The following AZGP1 variants were observed in gnomAD, a reference collection of about 807,000 sequenced individuals.
AZGP1 encodes the protein zinc-alpha-2-glycoprotein.
Under a neutral mutation model 31.5 loss-of-function variants are expected in AZGP1, and 28 were observed. The ratio of observed to expected loss-of-function variants is 0.89; its 90% confidence interval spans 0.66 to 1.22. AZGP1 has a LOEUF of 1.22. Among genes scored for constraint, AZGP1 ranks in the 50% most tolerant of loss-of-function variants. AZGP1 has a pLI of 0.00. For synonymous variants in AZGP1, 135 were observed against 145.4 expected (o/e 0.93, Z 0.51); for missense variants, 361 against 371.8 (o/e 0.97, Z 0.24).
rs769586812 is a variant in AZGP1, at chr7:99,968,281, T to C, written c.487A>G (p.Ile163Val). Residue 163 changes from isoleucine (I) to valine (V), a missense_variant, in exon 3 of 4, where the codon ATA becomes GTA. By Grantham distance (29) the Ile-to-Val change is conservative. Transcript: ENST00000292401. ...AWVPFDPAAQ[I>V]TKQKWEAEPV... ...TCTGCCTCCCACTTCTGCTTGGTTA[T>C]CTGGGCTGCTGGGTCGAAGGGGACC... 2 of 1,613,860 alleles carry C rather than the reference T, an allele frequency of 1.2e-6. No homozygotes were observed. The highest frequency in any genetic ancestry group is 1.7e-6 in the Non-Finnish European group (2 of 1,179,990).
intron 3 of AZGP1, chr7:99,967,487 T>G: frequency 1.6e-6 from 1 of 617,360 alleles, no homozygotes; most frequent in Non-Finnish European, 2.8e-6. Flanking sequence ...CTCACCCATG[T>G]ATTGACTCTG....
intron 2 of AZGP1, among the ~76,000 whole-genome samples, chr7:99,971,370 G>A (rs184781772): frequency 6.6e-6 from 1 of 152,328 alleles, no homozygotes; most frequent in Non-Finnish European, 1.5e-5. Context: ...CCAGGTCTGA[G>A]TGACTTTGAG....
intron 3 of AZGP1, chr7:99,967,698 C>T (rs996911972): frequency 2.9e-5 from 12 of 413,324 alleles, no homozygotes; most frequent in East Asian, 4.9e-5. Flanking sequence ...GCCATCAATT[C>T]CGCTCACACT....
intron 1 of AZGP1, among the ~76,000 whole-genome samples, chr7:99,972,765 G>A (rs548283853): frequency 6.6e-6 from 1 of 152,266 alleles, no homozygotes; most frequent in Non-Finnish European, 1.5e-5. Flanking sequence ...AACAAGCCAA[G>A]ATCATGCCAC....
Position 99,968,297 on chromosome 7 carries a change from G to C in AZGP1, c.471C>G (p.Phe157Leu). 6.2e-7 allele frequency: 1 copy of C among 1,613,764 alleles called. No individual in the cohort carries two copies. The highest frequency in any genetic ancestry group is 1.3e-5 in the African/African-American group (1 of 74,900). The change falls in exon 3 of 4, where the codon TTC becomes TTG. Residue 157 changes from phenylalanine to leucine, a missense_variant. Physicochemically the swap from Phe to Leu is conservative, Grantham distance 22. Transcript: ENST00000292401. ...GCTTGGTTATCTGGGCTGCTGGGTC[G>C]AAGGGGACCCAGGCTGGGATTTCTT... is the stretch of plus-strand genomic sequence containing the variant. ...FNKEIPAWVP[F>L]DPAAQITKQK... is the part of the protein sequence containing the mutation.
intron 1 of AZGP1, among the ~76,000 whole-genome samples, chr7:99,972,318 G>A (rs1003446286): frequency 2.0e-5 from 3 of 152,206 alleles, no homozygotes; most frequent in African/African-American, 7.2e-5. Context: ...GAGAATGTGA[G>A]CAGAAGTGAT....
chr7:99,974,821 A>G (rs770259924), intron 1 of AZGP1, among the ~76,000 whole-genome samples: 4 of 152,140 alleles, frequency 2.6e-5, no homozygotes, highest in Non-Finnish European at 5.9e-5. Context: ...AAAAATCAGT[A>G]GACCTTGAGT....
intron 2 of AZGP1, 181 bp from the exon 3 acceptor site, chr7:99,968,611 G>T: frequency 4.0e-6 from 3 of 750,644 alleles, no homozygotes. Flanking sequence ...ACAGAGAGGG[G>T]CTAACTCAGT....
intron 2 of AZGP1, 54 bp from the exon 3 acceptor site, chr7:99,968,484 C>G (rs1251895905): frequency 4.4e-6 from 7 of 1,587,084 alleles, no homozygotes. Context: ...AGAAATTTAT[C>G]AAAATAACTC....
At chr7:99,967,912 T>C (rs557957325) in intron 3 of AZGP1, 2 of 620,246 alleles carry the variant, frequency 3.2e-6, no homozygotes, top group Non-Finnish European at 5.6e-6. Flanking sequence ...TGGAGATGAT[T>C]TGGGGACACT....
Position 99,972,943 on chromosome 7 carries a change from C to T in AZGP1, c.77-937G>A, listed in dbSNP as rs555331773. Among the ~76,000 whole-genome samples, 29 of 152,210 alleles carry T rather than the reference C, an allele frequency of 1.9e-4. No homozygotes were observed. The South Asian group carries it at 5.6e-3, about 29-fold the overall frequency. Reference sequence around the variant, plus strand: ...CCATCCTGGCTAACATGGTGAAACCCCGTCTCTACTAAGAATTCAAAAAAT... The same window carrying T: ...CCATCCTGGCTAACATGGTGAAACCTCGTCTCTACTAAGAATTCAAAAAAT... On this transcript the variant is annotated intron_variant, in intron 1 of 3. Coordinates refer to ENST00000292401, the MANE Select transcript of AZGP1 (RefSeq NM_001185.4).
At chr7:99,974,953 G>T (rs1237024942) in intron 1 of AZGP1, among the ~76,000 whole-genome samples, 1 of 152,182 alleles carries the variant, frequency 6.6e-6, no homozygotes, top group African/African-American at 2.4e-5. Flanking sequence ...TTGGAATCAA[G>T]ACTAAGACAT....
intron 2 of AZGP1, among the ~76,000 whole-genome samples, chr7:99,970,059 C>A (rs1034765260): frequency 7.2e-5 from 11 of 151,964 alleles, no homozygotes; most frequent in African/African-American, 2.2e-4. Context: ...CCCCCACCCC[C>A]ACCTGGTGTG....
chr7:99,968,286 G>A lies in AZGP1; in HGVS notation c.482C>T (p.Ala161Val), dbSNP rs746022437. 2.5e-6 allele frequency: 4 copies of A among 1,613,700 alleles called. No individual in the cohort carries two copies. Among genetic ancestry groups the A allele is most frequent in the East Asian group, 4.5e-5 (2 of 44,824 alleles). ...IPAWVPFDPAAQITKQKWEAE... is the reference protein window; with the variant it reads ...IPAWVPFDPAVQITKQKWEAE... The stretch of plus-strand genomic sequence containing the variant: ...CTCCCACTTCTGCTTGGTTATCTGG[G>A]CTGCTGGGTCGAAGGGGACCCAGGC... The change falls in exon 3 of 4, where the codon GCC becomes GTC. Residue 161 changes from alanine (A) to valine (V), a missense_variant. Coordinates refer to ENST00000292401, the MANE Select transcript of AZGP1 (RefSeq NM_001185.4).
rs1433085327 is a variant in AZGP1, at chr7:99,966,966, G to C, written c.*37C>G. 1 of 1,598,374 alleles carries C rather than the reference G, an allele frequency of 6.3e-7. No homozygotes were observed. The highest frequency in any genetic ancestry group is 1.3e-5 in the African/African-American group (1 of 74,576). On this transcript the variant is annotated 3_prime_UTR_variant, in exon 4 of 4. Transcript: ENST00000292401. ...ACATCAGGCAGGAAGGGCAGCTACT[G>C]GGTCTGAGATCCCACATTGCCTCCA...
intron 2 of AZGP1, among the ~76,000 whole-genome samples, chr7:99,970,400 T>G (rs1789558967): frequency 2.0e-5 from 3 of 151,936 alleles, no homozygotes. Context: ...TGTGCCACCA[T>G]GCCAGGCTAT....
chr7:99,967,943 C>T, intron 3 of AZGP1: 2 of 701,138 alleles, frequency 2.9e-6, no homozygotes, highest in Middle Eastern at 2.5e-4. Context: ...GAATGGCCTT[C>T]CTGGCCCATT....
At chr7:99,973,422 C>T (rs528811676) in intron 1 of AZGP1, among the ~76,000 whole-genome samples, 2 of 152,166 alleles carry the variant, frequency 1.3e-5, no homozygotes, top group African/African-American at 2.4e-5. Context: ...ATTCTTGCTC[C>T]TGAGTGTCTA....
At chr7:99,970,970 G>C (rs548891045) in intron 2 of AZGP1, among the ~76,000 whole-genome samples, 2 of 152,330 alleles carry the variant, frequency 1.3e-5, no homozygotes, top group South Asian at 2.1e-4. Flanking sequence ...TCTGCCACCA[G>C]CTCCTCTGAC....
Sources: allele counts gnomAD v4.1 joint callset (sites outside exome capture counted in the v4.1 genomes callset), GRCh38; gene constraint gnomAD v4.1.1; transcripts MANE v1.5; gene names NCBI Gene and HGNC (gene_info 2026-07-23, HGNC 2026-07-21).